The following INSR variants were observed in gnomAD, a reference collection of about 807,000 sequenced individuals.
INSR encodes IR.
Under a neutral mutation model 142.6 loss-of-function variants are expected in INSR, and 67 were observed. That is an observed-to-expected ratio of 0.47 (90% confidence interval 0.39 to 0.58). INSR has a LOEUF of 0.58. Ranked by LOEUF, INSR falls within the 20% of genes least tolerant of loss-of-function variation. The pLI is 0.00. For missense variants in INSR, 1,248 were observed against 1,833.2 expected, an observed-to-expected ratio of 0.68 and a Z score of 5.83; for synonymous variants, 756 against 743.1, an observed-to-expected ratio of 1.02 and a Z score of -0.28.
intron 2 of INSR, among the ~76,000 whole-genome samples, chr19:7,236,970 T>C (rs900508659): frequency 6.8e-6 from 1 of 146,364 alleles, no homozygotes; most frequent in Non-Finnish European, 1.5e-5. Context: ...GAGCTTGCAG[T>C]GAGCCGAGAT....
intron 11 of INSR, among the ~76,000 whole-genome samples, chr19:7,143,688 C>A (rs535421860): frequency 6.6e-6 from 1 of 152,282 alleles, no homozygotes; most frequent in South Asian, 2.1e-4. Context: ...TTCTCCCCAT[C>A]CCTTAAGAAG....
At chr19:7,263,256 G>A (rs1361299478) in intron 2 of INSR, among the ~76,000 whole-genome samples, 1 of 151,754 alleles carries the variant, frequency 6.6e-6, no homozygotes, top group Non-Finnish European at 1.5e-5. Context: ...CCCAGCCTAG[G>A]TGGCAGAGCA....
intron 1 of INSR, 147 bp from the exon 2 acceptor site, chr19:7,268,043 G>A (rs997814833): frequency 8.4e-6 from 6 of 713,712 alleles, no homozygotes. Context: ...GCAGCCAGCC[G>A]GGATGAGTAG....
intron 2 of INSR, among the ~76,000 whole-genome samples, chr19:7,250,041 C>G (rs1431796746): frequency 6.6e-6 from 1 of 151,852 alleles, no homozygotes; most frequent in Non-Finnish European, 1.5e-5. Flanking sequence ...GGCCTGTAGT[C>G]CCAACTACTC....
chr19:7,203,242 T>C (rs565083249), intron 2 of INSR, among the ~76,000 whole-genome samples: 4 of 152,304 alleles, frequency 2.6e-5, no homozygotes, highest in African/African-American at 9.6e-5. Flanking sequence ...TTTAATTCTA[T>C]TCTAGGTGAC....
Position 7,288,695 on chromosome 19 carries a change from G to A in INSR, c.100+5097C>T, listed in dbSNP as rs182378151. Among the ~76,000 whole-genome samples the A allele has an allele frequency of 4.6e-3, 699 of 150,328 alleles. 5 individuals carry two copies. The highest frequency in any genetic ancestry group is 0.016 in the African/African-American group (652 of 40,760). On this transcript the variant is annotated intron_variant, in intron 1 of 21. Transcript: ENST00000302850. Reference sequence around the variant, plus strand: ...AAAAAAAAAAGGGCCGGACACGGTGGCTCATGCCCGTAATCCCAGCACTCT... The same window carrying A: ...AAAAAAAAAAGGGCCGGACACGGTGACTCATGCCCGTAATCCCAGCACTCT...
intron 2 of INSR, among the ~76,000 whole-genome samples, chr19:7,211,202 G>A (rs1260313072): frequency 2.6e-5 from 4 of 152,066 alleles, no homozygotes; most frequent in African/African-American, 4.8e-5. Context: ...ATGTAGCTGC[G>A]ACTACAGGTG....
intron 17 of INSR, 96 bp from the exon 18 acceptor site, chr19:7,123,085 C>T (rs1425942197): frequency 1.1e-6 from 1 of 908,400 alleles, no homozygotes; most frequent in African/African-American, 1.6e-5. Context: ...CACACAGCAC[C>T]CTGTGGCCTG....
intron 2 of INSR, among the ~76,000 whole-genome samples, chr19:7,230,814 AAAAAAAAT>A (rs1975948545): frequency 1.3e-5 from 2 of 151,606 alleles, no homozygotes; most frequent in African/African-American, 4.8e-5. Flanking sequence ...TCAAAAATAA[AAAAAAAAT>A]AAAAAATATT....
intron 2 of INSR, among the ~76,000 whole-genome samples, chr19:7,242,593 C>A (rs1202887579): frequency 6.6e-6 from 1 of 151,652 alleles, no homozygotes; most frequent in African/African-American, 2.4e-5. Flanking sequence ...CAAAAATTAG[C>A]CAGGTGTGGT....
intron 2 of INSR, among the ~76,000 whole-genome samples, chr19:7,204,113 G>A (rs1184308203): frequency 1.3e-5 from 2 of 152,104 alleles, no homozygotes; most frequent in Non-Finnish European, 2.9e-5. Flanking sequence ...CAGGCTCCCG[G>A]CTCACTGCAA....
intron 2 of INSR, among the ~76,000 whole-genome samples, chr19:7,207,314 G>A (rs1414865549): frequency 6.6e-6 from 1 of 152,144 alleles, no homozygotes; most frequent in African/African-American, 2.4e-5. Flanking sequence ...CTGCTCGGGA[G>A]GCTGAGGCAG....
rs1236159565 is a variant in INSR, at chr19:7,114,612, A to G, written c.*2444T>C. Reference sequence around the variant, plus strand: ...AGACCGGTTCCAGGTAGAATTCTGAAATCTCAAAGATGTCCATGATTGAAT... The same window carrying G: ...AGACCGGTTCCAGGTAGAATTCTGAGATCTCAAAGATGTCCATGATTGAAT... On this transcript the variant is annotated 3_prime_UTR_variant, in exon 22 of 22. Coordinates refer to ENST00000302850, the MANE Select transcript of INSR (RefSeq NM_000208.4). 1.3e-5 allele frequency: 2 copies of G among 152,658 alleles called. No homozygotes were observed. The highest frequency in any genetic ancestry group is 2.4e-5 in the African/African-American group (1 of 41,478). The allele number at this position is 152,658 out of a possible 1,614,324, so 9.5% of individuals were successfully genotyped here. A position where few individuals can be genotyped will look rare whatever the true frequency, so the allele number is the denominator to read the frequency against.
At chr19:7,238,617 C>CAAAAAA (rs796144540) in intron 2 of INSR, among the ~76,000 whole-genome samples, 10 of 69,000 alleles carry the variant, frequency 1.4e-4, no homozygotes, top group Non-Finnish European at 1.5e-4. Flanking sequence ...TGCTCCATCT[C>CAAAAAA]AAAAAAAAAA....
At chr19:7,169,712 T>C (rs1218366426) in intron 6 of INSR, among the ~76,000 whole-genome samples, 3 of 152,220 alleles carry the variant, frequency 2.0e-5, no homozygotes, top group African/African-American at 7.2e-5. Context: ...ATAGGTATTT[T>C]ACTCAACTTT....
In INSR at chr19:7,293,879, C is replaced by G. The variant is rs1410352680; in HGVS notation, c.13G>C (p.Gly5Arg). 4 of 1,236,892 alleles carry G rather than the reference C, an allele frequency of 3.2e-6. No homozygotes were observed. Among genetic ancestry groups the G allele is most frequent in the Non-Finnish European group, 4.0e-6 (4 of 996,226 alleles). The allele number at this position is 1,236,892 out of a possible 1,614,324, so 76.6% of individuals were successfully genotyped here. MATG[G>R]RRGAAAAPLL... ...GGCGCGGCCGCCGCCCCCCGCCGGC[C>G]CCCGGTGGCCATGGCTGCGGGAGCG... Residue 5 changes from glycine (G) to arginine (R), a missense_variant, in exon 1 of 22, where the codon GGC becomes CGC. Gly to Arg is a moderately radical substitution (Grantham distance 125, BLOSUM62 -2). Transcript: ENST00000302850.
At chr19:7,196,046 C>T (rs893929679) in intron 2 of INSR, among the ~76,000 whole-genome samples, 1 of 152,072 alleles carries the variant, frequency 6.6e-6, no homozygotes, top group Admixed American at 6.6e-5. Context: ...AGCGAACCTC[C>T]TGCCTCAGCC....
At chr19:7,133,453 A>G (rs1236066591) in intron 13 of INSR, among the ~76,000 whole-genome samples, 1 of 152,240 alleles carries the variant, frequency 6.6e-6, no homozygotes, top group Non-Finnish European at 1.5e-5. Context: ...ATGTGTTATT[A>G]GCTATAGTCA....
intron 2 of INSR, among the ~76,000 whole-genome samples, chr19:7,187,963 T>TG (rs900018676): frequency 3.9e-5 from 6 of 152,016 alleles, no homozygotes; most frequent in South Asian, 2.1e-4. Flanking sequence ...CTACAGGCCT[T>TG]GGGGGGTCTA....
Sources: allele counts gnomAD v4.1 joint callset (sites outside exome capture counted in the v4.1 genomes callset), GRCh38; gene constraint gnomAD v4.1.1; transcripts MANE v1.5; gene names NCBI Gene and HGNC (gene_info 2026-07-23, HGNC 2026-07-21).